Variants in ZZEF1 observed in about 807,000 individuals in gnomAD.
ZZEF1 encodes zinc finger ZZ-type and EF-hand domain containing 1, also known as zinc finger ZZ-type and EF-hand domain-containing protein 1.
Under a neutral mutation model 342.8 loss-of-function variants are expected in ZZEF1, and 157 were observed. That is an observed-to-expected ratio of 0.46 (90% CI 0.40 to 0.52). ZZEF1 has a LOEUF of 0.52. ZZEF1 is among the 20% of genes least tolerant of loss of function. The pLI is 0.00. For synonymous variants in ZZEF1, 1,505 were observed against 1,429.1 expected (o/e 1.05, Z -1.20); for missense variants, 3,480 against 3,725.6 (o/e 0.93, Z 1.72).
intron 11 of ZZEF1, among the ~76,000 whole-genome samples, chr17:4,092,572 G>A (rs1385678959): frequency 6.6e-6 from 1 of 151,984 alleles, no homozygotes; most frequent in African/African-American, 2.4e-5. Flanking sequence ...CTTCCAAAGT[G>A]CGCTAGGATT....
intron 32 of ZZEF1, among the ~76,000 whole-genome samples, chr17:4,057,443 A>G (rs2057187692): frequency 6.6e-6 from 1 of 152,088 alleles, no homozygotes; most frequent in Non-Finnish European, 1.5e-5. Context: ...TTTTCTACAC[A>G]TGAATGGCCA....
rs1215408027 is a variant in ZZEF1 at position 4,044,289 on chromosome 17, T to C, written c.6101A>G (p.Asp2034Gly). 1.2e-6 allele frequency: 2 copies of C among 1,614,208 alleles called. No individual in the cohort carries two copies. The highest frequency in any genetic ancestry group is 1.7e-6 in the Non-Finnish European group (2 of 1,180,024). Residue 2034 changes from aspartate (D) to glycine (G), a missense_variant, in exon 38 of 55, where the codon GAT becomes GGT. By Grantham distance (94) the Asp-to-Gly change is moderately conservative. This residue lies in a region of ZZEF1 where 1,269 missense variants were observed against 1,342.4 expected (regional missense o/e 0.95). Coordinates refer to ENST00000381638, the MANE Select transcript of ZZEF1 (RefSeq NM_015113.4). The stretch of plus-strand genomic sequence containing the variant: ...TGAAATTTGGGTCTGGCATGAAGGA[T>C]CCTTCGATAATGATACACCTTTATC... The part of the protein sequence containing the change: ...KADKGVSLSK[D>G]PSCQTQISDS...
chr17:4,086,612 G>T lies in ZZEF1; in HGVS notation c.2386C>A (p.Leu796Ile). 1 of 1,614,184 alleles carries T rather than the reference G, an allele frequency of 6.2e-7. No homozygotes were observed. Among genetic ancestry groups the T allele is most frequent in the Non-Finnish European group, 8.5e-7 (1 of 1,180,042 alleles). The part of the protein sequence containing the change: ...CVSAQTLLLQ[L>I]LQSCFSVLQG... ...AGCACAGAGAAGCAGCTCTGGAGTA[G>T]CTGCAGAAGCAGGGTTTGGGCAGAG... The change falls in exon 15 of 55, where the codon CTA (leucine) becomes ATA (isoleucine). Residue 796 changes from leucine to isoleucine, a missense_variant. This residue lies in a region of ZZEF1 where 1,528 missense variants were observed against 1,624.1 expected (regional missense o/e 0.94). Transcript: ENST00000381638.
Position 4,014,463 on chromosome 17 carries a change from T to C in ZZEF1, c.8198A>G (p.Gln2733Arg). ...GTCACAGCCCTCCTCTGTGTTGCAC[T>C]GAGAGTCGAATTTGATTGAGAGGTA... ...AIYLSIKFDS[Q>R]CNTEEGCDEL... The change falls in exon 50 of 55, where the codon CAG becomes CGG. Residue 2733 changes from glutamine to arginine, a missense_variant. Gln to Arg is a conservative substitution (Grantham distance 43). Around this residue, in one of 5 missense-constraint regions of ZZEF1, gnomAD observed 1,269 missense variants for 1,342.4 expected, o/e 0.95. Coordinates refer to ENST00000381638, the MANE Select transcript of ZZEF1 (RefSeq NM_015113.4). The surrounding 1 kb of genome is among the most constrained non-coding windows in gnomAD (Gnocchi z 4.4). 6.2e-7 allele frequency: 1 copy of C among 1,614,214 alleles called. No homozygotes were observed.
At chr17:4,074,073 G>T in intron 24 of ZZEF1, 77 bp downstream of exon 24, 1 of 1,526,102 alleles carries the variant, frequency 6.6e-7, no homozygotes, top group Non-Finnish European at 8.9e-7. Context: ...ACGTGGAAAC[G>T]ACCTACAAGA....
intron 39 of ZZEF1, 107 bp downstream of exon 39, chr17:4,042,322 C>T: frequency 8.0e-7 from 1 of 1,250,592 alleles, no homozygotes; most frequent in Non-Finnish European, 1.1e-6. Context: ...TAATCCTACC[C>T]TTAAGGCTAC....
In ZZEF1 at chr17:4,072,836, TA is replaced by T. The variant is rs1357287004; in HGVS notation, c.3686-81del. On this transcript the variant is annotated intron_variant, in intron 24 of 54. Transcript: ENST00000381638. Reference sequence around the variant, plus strand: ...ATCTTTGAAATGAGAAAGAAAAGGTTAAAAAAAACCATGGATACTATTAAAA... The same window carrying T: ...ATCTTTGAAATGAGAAAGAAAAGGTTAAAAAAACCATGGATACTATTAAAA... The T allele has an allele frequency of 8.5e-6, 12 of 1,404,166 alleles. No individual in the cohort carries two copies. The South Asian group carries it at 8.6e-5, about 10-fold the overall frequency. The allele number at this position is 1,404,166 out of a possible 1,614,324, so 87.0% of individuals were successfully genotyped here. A position where few individuals can be genotyped will look rare whatever the true frequency, so the allele number is the denominator to read the frequency against.
chr17:4,096,920 A>G (rs1474310301), intron 9 of ZZEF1, among the ~76,000 whole-genome samples: 1 of 152,136 alleles, frequency 6.6e-6, no homozygotes, highest in East Asian at 1.9e-4. Flanking sequence ...CCCAGGGCAC[A>G]ATCCCCTCCA....
chr17:4,102,915 A>G (rs1479672919), intron 8 of ZZEF1, among the ~76,000 whole-genome samples: 3 of 152,086 alleles, frequency 2.0e-5, no homozygotes, highest in Non-Finnish European at 4.4e-5. Flanking sequence ...ATATATACAT[A>G]TAAATCAACT....
At chr17:4,007,436 G>C (rs563832025) in intron 54 of ZZEF1, among the ~76,000 whole-genome samples, 1 of 152,330 alleles carries the variant, frequency 6.6e-6, no homozygotes, top group East Asian at 1.9e-4. Flanking sequence ...GCAGAGGGAG[G>C]AAGAGGGGGT....
intron 12 of ZZEF1, 108 bp downstream of exon 12, chr17:4,090,611 A>G (rs1434024247): frequency 5.0e-6 from 4 of 801,118 alleles, no homozygotes; most frequent in African/African-American, 3.3e-5. Flanking sequence ...CCCTGAAGGT[A>G]GATTCGCCTC....
intron 1 of ZZEF1, among the ~76,000 whole-genome samples, chr17:4,132,454 T>C (rs2058675323): frequency 6.6e-6 from 1 of 152,274 alleles, no homozygotes; most frequent in South Asian, 2.1e-4. Flanking sequence ...ATCCCAGCAC[T>C]TTGGGAGGTC....
chr17:4,111,415 T>C (rs1418051473), intron 5 of ZZEF1, among the ~76,000 whole-genome samples: 1 of 152,112 alleles, frequency 6.6e-6, no homozygotes, highest in Non-Finnish European at 1.5e-5. Flanking sequence ...ATCCCAGCAC[T>C]GTGGAAGGCC....
intron 9 of ZZEF1, among the ~76,000 whole-genome samples, chr17:4,100,703 C>T (rs192269290): frequency 1.3e-4 from 20 of 152,134 alleles, no homozygotes; most frequent in Admixed American, 8.5e-4. Flanking sequence ...GGCGTGGTGG[C>T]GGGCGCCTGT....
chr17:4,077,593 C>T (rs978224574), intron 19 of ZZEF1, among the ~76,000 whole-genome samples: 2 of 152,052 alleles, frequency 1.3e-5, no homozygotes, highest in South Asian at 2.1e-4. Context: ...TCCTGAAGAG[C>T]GAGACATCAC....
chr17:4,072,869 G>C, intron 24 of ZZEF1, 113 bp from the exon 25 acceptor site: 1 of 1,133,692 alleles, frequency 8.8e-7, no homozygotes, highest in Non-Finnish European at 1.2e-6. Flanking sequence ...AAAACTTAGA[G>C]AAAGTTTACC....
intron 2 of ZZEF1, 41 bp downstream of exon 2, chr17:4,123,866 T>C (rs2058530655): frequency 6.3e-7 from 1 of 1,597,840 alleles, no homozygotes; most frequent in Non-Finnish European, 8.5e-7. Flanking sequence ...TATAGCAAAG[T>C]TCACTTTGGT....
chr17:4,047,392 C>A (rs767093181), intron 37 of ZZEF1, among the ~76,000 whole-genome samples: 4 of 152,192 alleles, frequency 2.6e-5, no homozygotes, highest in African/African-American at 4.8e-5. Context: ...GGCCTGTAAT[C>A]CTAGCACTTT....
intron 1 of ZZEF1, among the ~76,000 whole-genome samples, chr17:4,133,433 G>A (rs2058700558): frequency 6.6e-6 from 1 of 151,990 alleles, no homozygotes; most frequent in African/African-American, 2.4e-5. Context: ...TAACCCCTCG[G>A]GTTCCTTACC....
Sources: allele counts gnomAD v4.1 joint callset (sites outside exome capture counted in the v4.1 genomes callset), GRCh38; gene constraint gnomAD v4.1.1; regional missense constraint gnomAD v4.1.1; non-coding constraint Gnocchi (gnomAD v3.1); transcripts MANE v1.5; gene names NCBI Gene and HGNC (gene_info 2026-07-23, HGNC 2026-07-21).